The following SLC35D4 variants were observed in gnomAD, a reference collection of about 807,000 sequenced individuals.
SLC35D4 encodes UDP-N-acetylglucosamine transporter SLC35D4.
the SLC35D4 span, among the ~76,000 whole-genome samples, chr18:23,334,609 C>A: frequency 3.3e-5 from 5 of 152,202 alleles, no homozygotes; most frequent in African/African-American, 1.2e-4. Flanking sequence ...GCCTTAAAAT[C>A]AGACACAGTC....
At chr18:23,425,624 G>A in the SLC35D4 span, among the ~76,000 whole-genome samples, 1 of 152,202 alleles carries the variant, frequency 6.6e-6, no homozygotes, top group South Asian at 2.1e-4. Context: ...CCAGCATCAG[G>A]AGAGAGTATT....
At chr18:23,387,532 T>C in the SLC35D4 span, among the ~76,000 whole-genome samples, 2 of 152,206 alleles carry the variant, frequency 1.3e-5, no homozygotes, top group African/African-American at 4.8e-5. Context: ...CTGGGTAAAC[T>C]GCTCCAGTTT....
chr18:23,421,386 C>G, the SLC35D4 span: 2 of 1,614,094 alleles, frequency 1.2e-6, no homozygotes, highest in East Asian at 2.2e-5. Flanking sequence ...CTGTTGATCT[C>G]TACCCAGCCC....
the SLC35D4 span, among the ~76,000 whole-genome samples, chr18:23,389,749 G>A: frequency 2.0e-5 from 3 of 152,164 alleles, no homozygotes; most frequent in Admixed American, 6.5e-5. Context: ...ATGTTGATCA[G>A]GCTGGTCTCC....
chr18:23,354,475 G>A, the SLC35D4 span, among the ~76,000 whole-genome samples: 12 of 147,208 alleles, frequency 8.2e-5, no homozygotes, highest in South Asian at 2.2e-3. Context: ...AGCCGAGATC[G>A]CACCACTGCA....
chr18:23,384,417 T>C, the SLC35D4 span, among the ~76,000 whole-genome samples: 6 of 152,188 alleles, frequency 3.9e-5, no homozygotes, highest in Non-Finnish European at 7.3e-5. Flanking sequence ...TTACTAATTG[T>C]TCCTGATGTG....
chr18:23,348,645 A>G, the SLC35D4 span, among the ~76,000 whole-genome samples: 2 of 152,222 alleles, frequency 1.3e-5, no homozygotes, highest in Non-Finnish European at 2.9e-5. Context: ...ATTTTAATAT[A>G]GCCACTATAC....
chr18:23,283,448 G>A, the SLC35D4 span, among the ~76,000 whole-genome samples: 9 of 116,592 alleles, frequency 7.7e-5, no homozygotes, highest in African/African-American at 2.4e-4. Flanking sequence ...CTCCAGCCTG[G>A]ACAACACAGA....
the SLC35D4 span, among the ~76,000 whole-genome samples, chr18:23,335,314 T>C: frequency 6.6e-6 from 1 of 152,210 alleles, no homozygotes; most frequent in Non-Finnish European, 1.5e-5. Flanking sequence ...CAAACTTAGC[T>C]TTCCCATAAA....
At chr18:23,374,727 C>A in the SLC35D4 span, among the ~76,000 whole-genome samples, 1 of 152,026 alleles carries the variant, frequency 6.6e-6, no homozygotes. Flanking sequence ...TCAGGTGATC[C>A]GCCTGCCTCG....
the SLC35D4 span, among the ~76,000 whole-genome samples, chr18:23,362,739 G>A: frequency 3.9e-5 from 6 of 152,316 alleles, no homozygotes; most frequent in South Asian, 4.1e-4. Context: ...TCTGCTAGTC[G>A]CCTACTCTGC....
the SLC35D4 span, among the ~76,000 whole-genome samples, chr18:23,254,526 A>T: frequency 1.3e-5 from 2 of 152,256 alleles, no homozygotes; most frequent in Admixed American, 6.5e-5. Context: ...ATAGTTTGTT[A>T]CAGTTCCCAA....
chr18:23,427,348 A>C, the SLC35D4 span, among the ~76,000 whole-genome samples: 2 of 152,352 alleles, frequency 1.3e-5, no homozygotes, highest in African/African-American at 4.8e-5. Flanking sequence ...CCCATCAAAA[A>C]GTGGGCAAAG....
chr18:23,318,706 C>T, the SLC35D4 span, among the ~76,000 whole-genome samples: 1 of 152,148 alleles, frequency 6.6e-6, no homozygotes, highest in East Asian at 1.9e-4. Context: ...AAGTCAATAT[C>T]ATGCTATGTG....
At chr18:23,276,232 C>A in the SLC35D4 span, among the ~76,000 whole-genome samples, 9 of 151,938 alleles carry the variant, frequency 5.9e-5, no homozygotes, top group Admixed American at 2.0e-4. Context: ...GGACTACAGG[C>A]ACCCACCAAA....
the SLC35D4 span, among the ~76,000 whole-genome samples, chr18:23,263,447 G>C: frequency 1.4e-4 from 22 of 152,360 alleles, no homozygotes; most frequent in Admixed American, 3.3e-4. Flanking sequence ...GCCCACGTCT[G>C]AGCCCCCTGG....
the SLC35D4 span, among the ~76,000 whole-genome samples, chr18:23,390,055 A>T: frequency 2.6e-5 from 4 of 152,150 alleles, no homozygotes; most frequent in African/African-American, 9.7e-5. Flanking sequence ...AGTAGCTAAG[A>T]TATCTTGAGT....
At chr18:23,347,817 TTC>T in the SLC35D4 span, among the ~76,000 whole-genome samples, 1 of 152,218 alleles carries the variant, frequency 6.6e-6, no homozygotes, top group Non-Finnish European at 1.5e-5. Context: ...TACATTATTT[TTC>T]TGTTTCCTAT....
the SLC35D4 span, among the ~76,000 whole-genome samples, chr18:23,308,139 G>A: frequency 2.0e-5 from 3 of 152,208 alleles, no homozygotes; most frequent in African/African-American, 7.2e-5. Context: ...GATGTGGCCA[G>A]GGAAGCCTCT....
Sources: allele counts gnomAD v4.1 joint callset (sites outside exome capture counted in the v4.1 genomes callset), GRCh38; gene constraint gnomAD v4.1.1; transcripts MANE v1.5; gene names NCBI Gene and HGNC (gene_info 2026-07-23, HGNC 2026-07-21).